NRG3: variants seen among roughly 807,000 people sequenced by gnomAD.
NRG3 encodes pro-neuregulin-3, membrane-bound isoform.
In NRG3, 31 loss-of-function variants were observed where a neutral mutation model predicts 66.9. The observed-to-expected ratio is 0.46, with a 90% CI of 0.35 to 0.63. The LOEUF (loss-of-function observed/expected upper bound fraction) is 0.63. NRG3 is among the 20% of genes least tolerant of loss of function. The pLI, the probability that NRG3 is intolerant of heterozygous loss-of-function variation, is 0.00. For synonymous variants in NRG3, 393 were observed against 359.4 expected (o/e 1.09, Z -1.06); for missense variants, 910 against 878.9 (o/e 1.04, Z -0.45).
rs1158259227 is a variant in NRG3, at chr10:81,968,599, G to A, written c.823+92436G>A. Among the ~76,000 whole-genome samples, 3 of 152,040 alleles carry A rather than the reference G, an allele frequency of 2.0e-5. No homozygotes were observed. The East Asian group carries it at 5.8e-4, about 29-fold the overall frequency. ...CTGGCATTTTGGATCTTTACGTAGT[G>A]GTATTTCCAAGTAAGAGGAATAGAG... On this transcript the variant is annotated intron_variant, in intron 1 of 8. Coordinates refer to ENST00000372141, the MANE Select transcript of NRG3 (RefSeq NM_001010848.4).
At chr10:82,709,923 A>G (rs1432514932) in intron 2 of NRG3, among the ~76,000 whole-genome samples, 2 of 152,120 alleles carry the variant, frequency 1.3e-5, no homozygotes, top group Non-Finnish European at 2.9e-5. Context: ...TTTCCTTTAT[A>G]TTTTAACCAT....
chr10:82,004,661 G>A (rs563808589), intron 1 of NRG3, among the ~76,000 whole-genome samples: 3 of 152,080 alleles, frequency 2.0e-5, no homozygotes, highest in Admixed American at 1.3e-4. Context: ...CCAGTACCTC[G>A]AAGTATGACT....
rs78362093 is a variant in NRG3 at position 82,808,037 on chromosome 10, C to T, written c.1028-57374C>T. Among the ~76,000 whole-genome samples, 675 of 152,110 alleles carry T rather than the reference C, an allele frequency of 4.4e-3. 8 individuals are homozygous for T. The highest frequency in any genetic ancestry group is 0.015 in the African/African-American group (643 of 41,532). On this transcript the variant is annotated intron_variant, in intron 3 of 8. Transcript: ENST00000372141. ...TCTCCAATAAATTGACTCCCATTAT[C>T]GTAAGGGGGTAGATGTATCTGGTGT...
chr10:82,217,359 T>G (rs1198093992), intron 1 of NRG3, among the ~76,000 whole-genome samples: 1 of 152,216 alleles, frequency 6.6e-6, no homozygotes, highest in African/African-American at 2.4e-5. Context: ...TTTGTTCTCC[T>G]GACCTACAAC....
At chr10:82,435,779 CTTTTTTTTTTT>C (rs1158502018) in intron 2 of NRG3, among the ~76,000 whole-genome samples, 22 of 108,284 alleles carry the variant, frequency 2.0e-4, no homozygotes, top group Non-Finnish European at 4.1e-4. Flanking sequence ...CTTTTCTTTT[CTTTTTTTTTTT>C]TTTTTTTTTG....
chr10:82,498,059 T>C lies in NRG3; in HGVS notation c.953+139191T>C, dbSNP rs559784454. On this transcript the variant is annotated intron_variant, in intron 2 of 8. Transcript: ENST00000372141. ...CTTTGGAAAAAAATGTCTGTTCAGG[T>C]TCTTTGCTCATTTTTTAATTGAGTT... Among the ~76,000 whole-genome samples, 225 of 152,230 alleles carry C rather than the reference T, an allele frequency of 1.5e-3. 1 individual carries two copies. Among genetic ancestry groups the C allele is most frequent in the African/African-American group, 5.1e-3 (213 of 41,560 alleles).
At chr10:82,215,544 T>G (rs2075620374) in intron 1 of NRG3, among the ~76,000 whole-genome samples, 1 of 152,172 alleles carries the variant, frequency 6.6e-6, no homozygotes, top group Non-Finnish European at 1.5e-5. Context: ...TAGACAGTTT[T>G]CTGCAGAATC....
intron 1 of NRG3, among the ~76,000 whole-genome samples, chr10:82,054,186 C>T (rs936497276): frequency 6.6e-6 from 1 of 152,094 alleles, no homozygotes; most frequent in Non-Finnish European, 1.5e-5. Flanking sequence ...AAGGATTACT[C>T]TAGTTGTTGT....
intron 2 of NRG3, among the ~76,000 whole-genome samples, chr10:82,709,485 G>A (rs1278277956): frequency 2.0e-5 from 3 of 151,940 alleles, no homozygotes; most frequent in Admixed American, 6.6e-5. Flanking sequence ...GGGTTCAAGC[G>A]ATTCTCCTGT....
At chr10:82,475,004 A>T (rs1452409890) in intron 2 of NRG3, among the ~76,000 whole-genome samples, 1 of 152,020 alleles carries the variant, frequency 6.6e-6, no homozygotes, top group Non-Finnish European at 1.5e-5. Context: ...GAAGAAAAAA[A>T]ACTTATCAAC....
chr10:82,380,837 G>A (rs536458116), intron 2 of NRG3, among the ~76,000 whole-genome samples: 24 of 152,174 alleles, frequency 1.6e-4, no homozygotes, highest in Admixed American at 1.3e-3. Context: ...CACTCCAGAA[G>A]ACATGGACAA....
intron 4 of NRG3, among the ~76,000 whole-genome samples, chr10:82,896,296 T>C (rs1419031522): frequency 2.6e-5 from 4 of 152,204 alleles, no homozygotes; most frequent in Admixed American, 1.3e-4. Context: ...AAAACTGCTC[T>C]CTGGAAGTTA....
chr10:82,254,143 A>G (rs1045831924), intron 1 of NRG3, among the ~76,000 whole-genome samples: 1 of 152,158 alleles, frequency 6.6e-6, no homozygotes, highest in African/African-American at 2.4e-5. Flanking sequence ...GAATATTTAC[A>G]TATGTACTTA....
At chr10:82,810,215 AG>A (rs2061435282) in intron 3 of NRG3, among the ~76,000 whole-genome samples, 2 of 152,182 alleles carry the variant, frequency 1.3e-5, no homozygotes, top group South Asian at 4.1e-4. Flanking sequence ...CTTGTTTAAA[AG>A]TAGCCCTACC....
At chr10:82,664,696 T>C (rs2052625857) in intron 2 of NRG3, among the ~76,000 whole-genome samples, 1 of 151,972 alleles carries the variant, frequency 6.6e-6, no homozygotes, top group African/African-American at 2.4e-5. Flanking sequence ...TTCATAACTT[T>C]CTCAGCTTCT....
intron 1 of NRG3, among the ~76,000 whole-genome samples, chr10:82,335,153 T>C (rs2082325322): frequency 6.6e-6 from 1 of 152,142 alleles, no homozygotes. Context: ...TGAGAATGCT[T>C]AAGAGGTGGG....
intron 3 of NRG3, among the ~76,000 whole-genome samples, chr10:82,754,333 C>T (rs1011639462): frequency 6.6e-6 from 1 of 151,358 alleles, no homozygotes; most frequent in Non-Finnish European, 1.5e-5. Context: ...GGAGAGCATA[C>T]CCTTCGTTAG....
chr10:82,788,284 G>C (rs1184061297), intron 3 of NRG3, among the ~76,000 whole-genome samples: 1 of 152,132 alleles, frequency 6.6e-6, no homozygotes, highest in Non-Finnish European at 1.5e-5. Context: ...ATAAAGGTAA[G>C]AAACTACCGG....
chr10:82,177,537 A>G (rs749473654), intron 1 of NRG3, among the ~76,000 whole-genome samples: 6 of 152,198 alleles, frequency 3.9e-5, no homozygotes, highest in Non-Finnish European at 8.8e-5. Flanking sequence ...CAACTAAACC[A>G]GTGGAACTAA....
Sources: gnomAD v4.1 joint callset for allele counts (sites outside exome capture counted in the v4.1 genomes callset) on GRCh38, gnomAD v4.1.1 for gene constraint, MANE v1.5 for transcripts, NCBI Gene and HGNC (gene_info 2026-07-23, HGNC 2026-07-21) for gene names.